Variants in NAP1L1 observed in about 807,000 individuals in gnomAD.
The protein encoded by NAP1L1 is nucleosome assembly protein 1-like 1.
In NAP1L1, 9 loss-of-function variants were observed where a neutral mutation model predicts 58.9. The observed-to-expected ratio is 0.15, with a 90% CI of 0.09 to 0.27. The LOEUF (loss-of-function observed/expected upper bound fraction) is 0.27. Among genes scored for constraint, NAP1L1 ranks in the 10% least tolerant of loss-of-function variants. NAP1L1 has a pLI of 1.00. For missense variants in NAP1L1, 302 were observed against 458.8 expected (o/e 0.66, Z 3.12); for synonymous variants, 130 against 138.3 (o/e 0.94, Z 0.42).
In NAP1L1 at chr12:76,036,819, T is replaced by A. The variant is rs1304243459; in HGVS notation, c.*11610A>T. ...TGGGCGCGGTGGCTCACGCCTGTAA[T>A]CCCAACACTTTGGGAGGCTGAGGCA... On this transcript the variant is annotated 3_prime_UTR_variant, in exon 15 of 15. Coordinates refer to ENST00000618691, the MANE Select transcript of NAP1L1 (RefSeq NM_004537.7). 2.0e-5 allele frequency: 3 copies of A among 151,542 alleles called. No homozygotes were observed. The highest frequency in any genetic ancestry group is 4.4e-5 in the Non-Finnish European group (3 of 67,942). 9.4% of individuals were successfully genotyped at this position (151,542 alleles called of 1,614,324 possible).
At chr12:76,063,752 G>A (rs113113855) in intron 4 of NAP1L1, among the ~76,000 whole-genome samples, 4 of 151,998 alleles carry the variant, frequency 2.6e-5, no homozygotes, top group African/African-American at 9.7e-5. Flanking sequence ...CCGTCATTGT[G>A]CCATGGCACT....
At chr12:76,062,445 A>G (rs536243894) in intron 4 of NAP1L1, among the ~76,000 whole-genome samples, 14 of 152,304 alleles carry the variant, frequency 9.2e-5, no homozygotes, top group African/African-American at 3.4e-4. Context: ...TAGAAACTTC[A>G]AGGGTACAAT....
rs890870965 is a variant in NAP1L1, at chr12:76,079,306, G to A, written c.-20-5067C>T. Among the ~76,000 whole-genome samples the A allele has an allele frequency of 3.9e-5, 6 of 152,202 alleles. No individual in the cohort carries two copies. The South Asian group carries it at 6.2e-4, about 16-fold the overall frequency. On this transcript the variant is annotated intron_variant, in intron 1 of 14. Transcript: ENST00000618691. ...TTTGGAAGGCTGGGGCAGGAGGATC[G>A]CTTGAGGCCAGGAGTTCAAGGCCAG...
intron 2 of NAP1L1, chr12:76,073,976 C>T: frequency 2.5e-6 from 1 of 399,984 alleles, no homozygotes; most frequent in Non-Finnish European, 4.5e-6. Flanking sequence ...AAAATAGTGA[C>T]AAATGGTTTA....
rs938460634 is a variant in NAP1L1 at position 76,057,564 on chromosome 12, T to C, written c.430-1403A>G. ...TGGCTGCTGACGTTTCCGATTCCAA[T>C]AGGGCTGACTGCAAAGGAGACCCAA... On this transcript the variant is annotated intron_variant, in intron 6 of 14. Coordinates refer to ENST00000618691, the MANE Select transcript of NAP1L1 (RefSeq NM_004537.7). The C allele has an allele frequency of 2.6e-5, 23 of 899,710 alleles. 1 individual carries two copies. The highest frequency in any genetic ancestry group is 3.2e-4 in the Middle Eastern group (1 of 3,108). 55.7% of individuals were successfully genotyped at this position (899,710 alleles called of 1,614,324 possible). A position where few individuals can be genotyped will look rare whatever the true frequency, so the allele number is the denominator to read the frequency against.
In NAP1L1 at chr12:76,044,104, C is replaced by T. The variant is rs1407762724; in HGVS notation, c.*4325G>A. 6.6e-6 allele frequency: 1 copy of T among 152,164 alleles called. No individual in the cohort carries two copies. The highest frequency in any genetic ancestry group is 1.5e-5 in the Non-Finnish European group (1 of 68,082). 9.4% of individuals were successfully genotyped at this position (152,164 alleles called of 1,614,324 possible). On this transcript the variant is annotated 3_prime_UTR_variant, in exon 15 of 15. Transcript: ENST00000618691. ...ATCACTGGAGGTCAGGAGGTCGAGA[C>T]CAGCCTGGCCAACATGGTGAAAACC...
rs1565704612 is a variant in NAP1L1 at position 76,038,134 on chromosome 12, C to T, written c.*10295G>A. The T allele has an allele frequency of 1.3e-5, 2 of 152,110 alleles. No individual in the cohort carries two copies. Among genetic ancestry groups the T allele is most frequent in the Non-Finnish European group, 2.9e-5 (2 of 68,000 alleles). The allele number at this position is 152,110 out of a possible 1,614,324, so 9.4% of individuals were successfully genotyped here. ...CCAGTATTATGTTGTCACAAAACTG[C>T]AATCACTCAAAAGTGTTGATATTCT... On this transcript the variant is annotated 3_prime_UTR_variant, in exon 15 of 15. Transcript: ENST00000618691.
chr12:76,036,658 T>A lies in NAP1L1; in HGVS notation c.*11771A>T, dbSNP rs1871045903. ...CTGTAAACCAATTTGCAATATACAG[T>A]AGAAACTCATGACAATGATCATTAT... is the stretch of plus-strand genomic sequence containing the variant. On this transcript the variant is annotated 3_prime_UTR_variant, in exon 15 of 15. Coordinates refer to ENST00000618691, the MANE Select transcript of NAP1L1 (RefSeq NM_004537.7). 1 of 152,152 alleles carries A rather than the reference T, an allele frequency of 6.6e-6. No individual in the cohort carries two copies. The highest frequency in any genetic ancestry group is 2.1e-4 in the South Asian group (1 of 4,836). 9.4% of individuals were successfully genotyped at this position (152,152 alleles called of 1,614,324 possible).
chr12:76,066,274 G>T (rs546868379), intron 4 of NAP1L1, among the ~76,000 whole-genome samples: 1 of 151,914 alleles, frequency 6.6e-6, no homozygotes, highest in East Asian at 1.9e-4. Context: ...TATTCAATAC[G>T]AAATGTAGCA....
intron 9 of NAP1L1, 140 bp from the exon 10 acceptor site, chr12:76,053,490 A>C: frequency 1.0e-6 from 1 of 1,004,002 alleles, no homozygotes; most frequent in Non-Finnish European, 1.4e-6. Flanking sequence ...TATAAAGGGA[A>C]AAATTTTATT....
At chr12:76,074,095 C>T (rs1950084736) in intron 2 of NAP1L1, 108 bp downstream of exon 2, 4 of 938,764 alleles carry the variant, frequency 4.3e-6, no homozygotes, top group East Asian at 5.0e-5. Flanking sequence ...AGGTACTAAG[C>T]ATTAGTAACT....
intron 6 of NAP1L1, among the ~76,000 whole-genome samples, chr12:76,059,251 A>C (rs1309701775): frequency 1.3e-5 from 2 of 152,242 alleles, no homozygotes; most frequent in Non-Finnish European, 2.9e-5. Flanking sequence ...GATTATTTGG[A>C]AACATGTTTG....
At chr12:76,058,168 G>C in intron 6 of NAP1L1, 1 of 604,690 alleles carries the variant, frequency 1.7e-6, no homozygotes, top group Admixed American at 2.1e-5. Context: ...ACTGACAGTA[G>C]ATATGGCCAA....
chr12:76,037,743 A>G lies in NAP1L1; in HGVS notation c.*10686T>C, dbSNP rs1871082995. 1 of 152,112 alleles carries G rather than the reference A, an allele frequency of 6.6e-6. No homozygotes were observed. Among genetic ancestry groups the G allele is most frequent in the Non-Finnish European group, 1.5e-5 (1 of 68,028 alleles). The allele number at this position is 152,112 out of a possible 1,614,324, so 9.4% of individuals were successfully genotyped here. A position where few individuals can be genotyped will look rare whatever the true frequency, so the allele number is the denominator to read the frequency against. On this transcript the variant is annotated 3_prime_UTR_variant, in exon 15 of 15. Transcript: ENST00000618691. ...CTTCAAAGCCCTATTCAAATCCCAGATTTCCTCTGGCTGAGTTAATTCCTT... is the reference window on the plus strand; with the variant it reads ...CTTCAAAGCCCTATTCAAATCCCAGGTTTCCTCTGGCTGAGTTAATTCCTT...
At chr12:76,074,400 C>T (rs1950097560) in intron 1 of NAP1L1, 161 bp from the exon 2 acceptor site, 9 of 970,076 alleles carry the variant, frequency 9.3e-6, no homozygotes, top group Non-Finnish European at 1.1e-5. Context: ...ACTCATGGAA[C>T]ATGCAAATTC....
At chr12:76,074,803 A>G (rs1371413358) in intron 1 of NAP1L1, among the ~76,000 whole-genome samples, 1 of 152,188 alleles carries the variant, frequency 6.6e-6, no homozygotes, top group Non-Finnish European at 1.5e-5. Flanking sequence ...AGACTATTTC[A>G]AAAGCTCTAG....
chr12:76,066,297 G>A (rs1187852879), intron 4 of NAP1L1, among the ~76,000 whole-genome samples: 2 of 151,930 alleles, frequency 1.3e-5, no homozygotes, highest in African/African-American at 4.8e-5. Context: ...AACCAGGAGG[G>A]ACTTCTTAAA....
At position 76,058,184 on chromosome 12, in the gene NAP1L1, G is replaced by A. The variant is rs112723007; in HGVS notation, c.429+1614C>T. 239 of 495,022 alleles carry A rather than the reference G, an allele frequency of 4.8e-4. 4 individuals carry two copies. Among genetic ancestry groups the A allele is most frequent in the African/African-American group, 4.4e-3 (153 of 34,798 alleles). The allele number at this position is 495,022 out of a possible 1,614,324, so 30.7% of individuals were successfully genotyped here. On this transcript the variant is annotated intron_variant, in intron 6 of 14. Coordinates refer to ENST00000618691, the MANE Select transcript of NAP1L1 (RefSeq NM_004537.7). ...CTGACAGTAGATATGGCCAAAGGGA[G>A]AGAGGCCTACATATATATATATATA... is the stretch of plus-strand genomic sequence containing the variant.
chr12:76,056,478 T>C, intron 6 of NAP1L1: 1 of 362,766 alleles, frequency 2.8e-6, no homozygotes, highest in Non-Finnish European at 5.4e-6. Context: ...ACTAATTTGG[T>C]CCATTGCCTC....
Sources: allele counts gnomAD v4.1 joint callset (sites outside exome capture counted in the v4.1 genomes callset), GRCh38; gene constraint gnomAD v4.1.1; transcripts MANE v1.5; gene names NCBI Gene and HGNC (gene_info 2026-07-23, HGNC 2026-07-21).